Variants in TMEM117 observed in about 807,000 individuals in gnomAD.
The protein encoded by TMEM117 is transmembrane protein 117.
TMEM117 carries 27 observed loss-of-function variants against 52.4 expected under a neutral mutation model. That is an observed-to-expected ratio of 0.51 (90% CI 0.38 to 0.71). The LOEUF (loss-of-function observed/expected upper bound fraction) is 0.71, where lower values mean the gene tolerates loss of function less well. Among genes scored for constraint, TMEM117 ranks in the 30% least tolerant of loss-of-function variants. The pLI is 0.00. For synonymous variants in TMEM117, 215 were observed against 206.3 expected (o/e 1.04, Z -0.36); for missense variants, 556 against 630.5 (o/e 0.88, Z 1.26).
chr12:44,024,038 C>G (rs570491375), intron 3 of TMEM117, among the ~76,000 whole-genome samples: 1 of 152,094 alleles, frequency 6.6e-6, no homozygotes, highest in Non-Finnish European at 1.5e-5. Flanking sequence ...GACATCTGCT[C>G]GTTCCACATG....
chr12:44,293,637 A>G (rs1185120849), intron 5 of TMEM117, among the ~76,000 whole-genome samples: 1 of 152,014 alleles, frequency 6.6e-6, no homozygotes, highest in Admixed American at 6.6e-5. Context: ...ATCTTATAAC[A>G]TTCCATTTTA....
chr12:43,840,102 G>A, intron 1 of TMEM117, among the ~76,000 whole-genome samples: 1 of 152,022 alleles, frequency 6.6e-6, no homozygotes, highest in East Asian at 1.9e-4. Flanking sequence ...ATATCAGATG[G>A]CTTTATTTTT....
intron 2 of TMEM117, among the ~76,000 whole-genome samples, chr12:43,848,907 C>T (rs769939246): frequency 6.6e-6 from 1 of 151,978 alleles, no homozygotes; most frequent in Non-Finnish European, 1.5e-5. Context: ...TGGGCAGGGG[C>T]CTAAAGATTT....
chr12:43,801,194 G>T, the TMEM117 span, among the ~76,000 whole-genome samples: 692 of 152,298 alleles, frequency 4.5e-3, 3 homozygotes, highest in Non-Finnish European at 7.9e-3. Flanking sequence ...CTGTATCAAA[G>T]ATTACGAATT....
chr12:44,295,100 CT>C (rs1181277046), intron 5 of TMEM117, among the ~76,000 whole-genome samples: 1 of 151,938 alleles, frequency 6.6e-6, no homozygotes, highest in African/African-American at 2.4e-5. Context: ...TTTAAGCCTT[CT>C]GTTTCTTTCT....
At chr12:43,811,657 G>A in the TMEM117 span, among the ~76,000 whole-genome samples, 1 of 152,204 alleles carries the variant, frequency 6.6e-6, no homozygotes, top group Non-Finnish European at 1.5e-5. Flanking sequence ...TAGTACAACA[G>A]GGATGCTGTG....
intron 3 of TMEM117, among the ~76,000 whole-genome samples, chr12:43,974,606 T>C (rs1945643003): frequency 6.6e-6 from 1 of 152,088 alleles, no homozygotes; most frequent in Admixed American, 6.6e-5. Flanking sequence ...TTTCTCTTTA[T>C]CCTCTTGTCT....
intron 6 of TMEM117, among the ~76,000 whole-genome samples, chr12:44,320,400 C>T (rs1027607282): frequency 6.6e-6 from 1 of 152,154 alleles, no homozygotes; most frequent in Non-Finnish European, 1.5e-5. Flanking sequence ...ATCTTTTTAA[C>T]ACCAAAATCT....
At chr12:44,160,085 A>G (rs901121846) in intron 4 of TMEM117, among the ~76,000 whole-genome samples, 5 of 152,192 alleles carry the variant, frequency 3.3e-5, no homozygotes, top group African/African-American at 1.2e-4. Flanking sequence ...GGAAAGCAAC[A>G]TGACATTCCC....
chr12:44,278,758 T>G (rs1326425305), intron 5 of TMEM117, among the ~76,000 whole-genome samples: 1 of 152,228 alleles, frequency 6.6e-6, no homozygotes, highest in East Asian at 1.9e-4. Context: ...TAACCTTATT[T>G]TGCTTGGATA....
intron 4 of TMEM117, among the ~76,000 whole-genome samples, chr12:44,209,725 G>T: frequency 6.6e-6 from 1 of 152,042 alleles, no homozygotes; most frequent in African/African-American, 2.4e-5. Flanking sequence ...AGAGAATCTT[G>T]GGAACTCTAT....
At chr12:43,984,874 A>G (rs1473806068) in intron 3 of TMEM117, among the ~76,000 whole-genome samples, 1 of 152,228 alleles carries the variant, frequency 6.6e-6, no homozygotes, top group Non-Finnish European at 1.5e-5. Flanking sequence ...GCAAAATGAA[A>G]CCATGCCATT....
At chr12:44,147,449 G>C (rs989397556) in intron 4 of TMEM117, among the ~76,000 whole-genome samples, 1 of 152,168 alleles carries the variant, frequency 6.6e-6, no homozygotes. Flanking sequence ...TAATGCCAGA[G>C]AGAAGAAGCA....
chr12:44,095,882 G>A (rs1478802204), intron 3 of TMEM117, among the ~76,000 whole-genome samples: 1 of 152,108 alleles, frequency 6.6e-6, no homozygotes, highest in Admixed American at 6.6e-5. Flanking sequence ...TTAGGCAGGA[G>A]AAGGAAATAA....
At chr12:44,114,445 G>T (rs1161343696) in intron 3 of TMEM117, among the ~76,000 whole-genome samples, 1 of 152,070 alleles carries the variant, frequency 6.6e-6, no homozygotes, top group Non-Finnish European at 1.5e-5. Flanking sequence ...TGGACAAATG[G>T]TAAAACTCAG....
intron 3 of TMEM117, among the ~76,000 whole-genome samples, chr12:43,944,777 A>G (rs1330962848): frequency 6.6e-6 from 1 of 152,126 alleles, no homozygotes. Context: ...CTCTCTTGAC[A>G]GTCCTGAGAG....
upstream of TMEM117, among the ~76,000 whole-genome samples, chr12:43,832,105 G>T (rs954889293): frequency 1.3e-5 from 2 of 152,036 alleles, no homozygotes; most frequent in Non-Finnish European, 2.9e-5. Flanking sequence ...AAGAGTGGGA[G>T]ATTTATGCCC....
At chr12:43,977,430 C>T (rs866098369) in intron 3 of TMEM117, among the ~76,000 whole-genome samples, 2 of 152,114 alleles carry the variant, frequency 1.3e-5, no homozygotes, top group African/African-American at 4.8e-5. Context: ...GGGGTATGAA[C>T]ACAAGCATAT....
At chr12:44,218,343 A>G (rs961566972) in intron 5 of TMEM117, among the ~76,000 whole-genome samples, 4 of 152,336 alleles carry the variant, frequency 2.6e-5, no homozygotes, top group African/African-American at 4.8e-5. Context: ...CTGTAAATCA[A>G]TCAATGTAAT....
Sources: allele counts gnomAD v4.1 joint callset (sites outside exome capture counted in the v4.1 genomes callset), GRCh38; gene constraint gnomAD v4.1.1; transcripts MANE v1.5; gene names NCBI Gene and HGNC (gene_info 2026-07-23, HGNC 2026-07-21).